PPARGC1A: variants seen among roughly 807,000 people sequenced by gnomAD.
PPARGC1A encodes peroxisome proliferator-activated receptor gamma coactivator 1-alpha.
A neutral mutation model predicts 88.7 loss-of-function variants in PPARGC1A; 25 were observed. That is an observed-to-expected ratio of 0.28 (90% CI 0.21 to 0.39). The LOEUF (loss-of-function observed/expected upper bound fraction) is 0.39. Among genes scored for constraint, PPARGC1A ranks in the 10% least tolerant of loss-of-function variants. The pLI is 1.00. For missense variants in PPARGC1A, 880 were observed against 968.7 expected (o/e 0.91, Z 1.22); for synonymous variants, 363 against 355.6 (o/e 1.02, Z -0.24).
chr4:24,335,819 C>A, the PPARGC1A span, among the ~76,000 whole-genome samples: 83 of 152,256 alleles, frequency 5.5e-4, no homozygotes, highest in African/African-American at 1.8e-3. Flanking sequence ...ATTTGAATTG[C>A]AAATGCTTCC....
the PPARGC1A span, among the ~76,000 whole-genome samples, chr4:23,936,107 G>C: frequency 6.6e-6 from 1 of 152,176 alleles, no homozygotes; most frequent in Non-Finnish European, 1.5e-5. Context: ...TTTTAAATAA[G>C]CTAATATTAC....
chr4:24,021,900 T>G, the PPARGC1A span, among the ~76,000 whole-genome samples: 12 of 152,200 alleles, frequency 7.9e-5, no homozygotes, highest in Non-Finnish European at 1.5e-4. Flanking sequence ...CAATGCAGAA[T>G]GGAGCAGAGA....
At chr4:24,155,058 A>T in the PPARGC1A span, among the ~76,000 whole-genome samples, 1,213 of 151,744 alleles carry the variant, frequency 8.0e-3, 19 homozygotes, top group African/African-American at 0.027. Flanking sequence ...CTAGGTTCCA[A>T]TCTCAGGTCA....
At chr4:24,116,701 C>G in the PPARGC1A span, among the ~76,000 whole-genome samples, 1 of 152,228 alleles carries the variant, frequency 6.6e-6, no homozygotes, top group African/African-American at 2.4e-5. Context: ...CAGCAAGGAA[C>G]CAAGGAACAC....
chr4:23,827,085 C>T (rs3774909), intron 5 of PPARGC1A, among the ~76,000 whole-genome samples: 5,712 of 152,246 alleles, frequency 0.038, 113 homozygotes, highest in Middle Eastern at 0.058. Context: ...CCAGGAAAAA[C>T]TGTTCTAGTG....
the PPARGC1A span, among the ~76,000 whole-genome samples, chr4:24,038,588 C>T: frequency 6.6e-6 from 1 of 152,156 alleles, no homozygotes; most frequent in Non-Finnish European, 1.5e-5. Flanking sequence ...TATATCCAGA[C>T]CCTGAAACCA....
intron 10 of PPARGC1A, among the ~76,000 whole-genome samples, chr4:23,806,925 T>G (rs1405090855): frequency 6.6e-6 from 1 of 152,196 alleles, no homozygotes; most frequent in African/African-American, 2.4e-5. Flanking sequence ...GTACTGCATT[T>G]AATGCTTTTA....
chr4:24,334,469 C>G, the PPARGC1A span, among the ~76,000 whole-genome samples: 1 of 152,178 alleles, frequency 6.6e-6, no homozygotes, highest in Non-Finnish European at 1.5e-5. Flanking sequence ...AAGAAGTGCT[C>G]CGCAAAGTCA....
At chr4:24,160,377 T>C in the PPARGC1A span, among the ~76,000 whole-genome samples, 1 of 152,220 alleles carries the variant, frequency 6.6e-6, no homozygotes, top group Non-Finnish European at 1.5e-5. Context: ...CCATTAAAAC[T>C]ATTAAGTAAG....
the PPARGC1A span, among the ~76,000 whole-genome samples, chr4:23,955,933 A>C: frequency 6.6e-6 from 1 of 152,058 alleles, no homozygotes; most frequent in African/African-American, 2.4e-5. Flanking sequence ...CCAGATTGCA[A>C]ATTTTTCAGC....
chr4:24,113,982 G>T, the PPARGC1A span, among the ~76,000 whole-genome samples: 1 of 151,910 alleles, frequency 6.6e-6, no homozygotes, highest in Non-Finnish European at 1.5e-5. Context: ...AAAATAGTTG[G>T]GCGTGGTGTT....
At chr4:24,335,555 T>G in the PPARGC1A span, among the ~76,000 whole-genome samples, 1 of 152,182 alleles carries the variant, frequency 6.6e-6, no homozygotes. Flanking sequence ...ATGGATTGGT[T>G]CATAGTAGAA....
the PPARGC1A span, among the ~76,000 whole-genome samples, chr4:24,191,375 C>T: frequency 2.0e-5 from 3 of 152,108 alleles, no homozygotes; most frequent in South Asian, 2.1e-4. Flanking sequence ...CTCATGGAGG[C>T]GATTCGCAAA....
the PPARGC1A span, among the ~76,000 whole-genome samples, chr4:24,181,755 T>C: frequency 6.6e-6 from 1 of 152,026 alleles, no homozygotes. Flanking sequence ...TTAACAAGAA[T>C]AAAAGTAAAG....
chr4:24,470,318 ACACACACTCT>A, the PPARGC1A span, among the ~76,000 whole-genome samples: 2 of 135,452 alleles, frequency 1.5e-5, no homozygotes, highest in Non-Finnish European at 3.3e-5. The surrounding 1 kb of genome is among the most constrained non-coding windows in gnomAD (Gnocchi z 5.8). Context: ...ACACACACAC[ACACACACTCT>A]CTCACACAGG....
the PPARGC1A span, among the ~76,000 whole-genome samples, chr4:24,107,481 G>A: frequency 1.3e-5 from 2 of 152,084 alleles, no homozygotes; most frequent in South Asian, 2.1e-4. Flanking sequence ...TATTATTTTC[G>A]ATCTGACTCA....
the PPARGC1A span, among the ~76,000 whole-genome samples, chr4:24,141,449 G>C: frequency 6.6e-6 from 1 of 152,174 alleles, no homozygotes; most frequent in African/African-American, 2.4e-5. Flanking sequence ...CCAGATCTGG[G>C]GTTTATTAAC....
At chr4:23,804,062 C>T (rs1002274339) in intron 10 of PPARGC1A, among the ~76,000 whole-genome samples, 4 of 152,092 alleles carry the variant, frequency 2.6e-5, no homozygotes, top group Admixed American at 6.5e-5. Context: ...GTAACATGCT[C>T]GCCTCTATTT....
At chr4:24,154,327 G>A in the PPARGC1A span, among the ~76,000 whole-genome samples, 1 of 152,150 alleles carries the variant, frequency 6.6e-6, no homozygotes, top group Non-Finnish European at 1.5e-5. Context: ...TTCCCCACAG[G>A]ATCTGGACAT....
Sources: gnomAD v4.1 joint callset for allele counts (sites outside exome capture counted in the v4.1 genomes callset) on GRCh38, gnomAD v4.1.1 for gene constraint, Gnocchi (gnomAD v3.1) non-coding constraint, MANE v1.5 for transcripts, NCBI Gene and HGNC (gene_info 2026-07-23, HGNC 2026-07-21) for gene names.